The following NAV2 variants were observed in gnomAD, a reference collection of about 807,000 sequenced individuals.
NAV2 encodes the protein neuron navigator 2.
NAV2 carries 54 observed loss-of-function variants against 223.2 expected under a neutral mutation model. That is an observed-to-expected ratio of 0.24 (90% confidence interval 0.19 to 0.30). The LOEUF is 0.30. Among genes scored for constraint, NAV2 ranks in the 10% least tolerant of loss-of-function variants. The pLI is 1.00. For synonymous variants in NAV2, 1,279 were observed against 1,239.3 expected, an observed-to-expected ratio of 1.03 and a Z score of -0.67; for missense variants, 2,806 against 3,147.5, an observed-to-expected ratio of 0.89 and a Z score of 2.60.
intron 1 of NAV2, among the ~76,000 whole-genome samples, chr11:19,628,721 A>G (rs2047250035): frequency 6.6e-6 from 1 of 152,252 alleles, no homozygotes; most frequent in Admixed American, 6.5e-5. Context: ...AGGTGTCGAC[A>G]TTCATGAACA....
At chr11:20,063,756 T>C (rs1025649951) in intron 20 of NAV2, among the ~76,000 whole-genome samples, 6 of 152,350 alleles carry the variant, frequency 3.9e-5, no homozygotes, top group Admixed American at 1.3e-4. Flanking sequence ...TAATTGTGAA[T>C]TGGAAATTCT....
chr11:19,415,095 C>G (rs1850309518), intron 1 of NAV2, among the ~76,000 whole-genome samples: 1 of 151,978 alleles, frequency 6.6e-6, no homozygotes, highest in Non-Finnish European at 1.5e-5. Context: ...TAACTAAGAT[C>G]AGAGCAGAAA....
At chr11:19,454,719 G>A (rs569178556) in intron 1 of NAV2, among the ~76,000 whole-genome samples, 54 of 152,288 alleles carry the variant, frequency 3.5e-4, no homozygotes, top group Middle Eastern at 3.4e-3. Context: ...AATGGGACAC[G>A]TAACTGAAAG....
chr11:19,490,264 T>A (rs925115813), intron 1 of NAV2, among the ~76,000 whole-genome samples: 1 of 152,128 alleles, frequency 6.6e-6, no homozygotes, highest in Non-Finnish European at 1.5e-5. Flanking sequence ...TTAAAATAAG[T>A]CAACAATGAA....
chr11:19,751,057 T>C (rs1054856144), intron 1 of NAV2, among the ~76,000 whole-genome samples: 1 of 152,218 alleles, frequency 6.6e-6, no homozygotes, highest in Non-Finnish European at 1.5e-5. Context: ...GACATCATGT[T>C]GCTAGCTAAA....
At chr11:20,021,575 G>A (rs189705635) in intron 11 of NAV2, among the ~76,000 whole-genome samples, 1 of 152,270 alleles carries the variant, frequency 6.6e-6, no homozygotes, top group East Asian at 1.9e-4. Context: ...GGACAGCATA[G>A]AAGGTAAGGG....
intron 1 of NAV2, among the ~76,000 whole-genome samples, chr11:19,586,101 A>T (rs1168023441): frequency 6.6e-6 from 1 of 151,750 alleles, no homozygotes; most frequent in Non-Finnish European, 1.5e-5. Flanking sequence ...TTTTCTCTAA[A>T]CTTCTCTTCT....
At chr11:20,037,370 T>TAAAAA (rs34272740) in intron 12 of NAV2, among the ~76,000 whole-genome samples, 2 of 140,308 alleles carry the variant, frequency 1.4e-5, no homozygotes. Flanking sequence ...ACAATAGGGC[T>TAAAAA]AAAAAAAAAA....
rs543601081 is a variant in NAV2, at chr11:19,401,130, G to A, written c.75+50103G>A. Among the ~76,000 whole-genome samples, 297 of 152,262 alleles carry A rather than the reference G, an allele frequency of 2.0e-3. 1 individual carries two copies. The highest frequency in any genetic ancestry group is 3.4e-3 in the Middle Eastern group (1 of 294). On this transcript the variant is annotated intron_variant, in intron 1 of 37. Coordinates refer to the NAV2 transcript ENST00000360655. Reference sequence around the variant, plus strand: ...CAATGCTCTCAGTGCTTCTAGAGACGTTTGTGGGTTGTAGCCCATAAAATA... The same window carrying A: ...CAATGCTCTCAGTGCTTCTAGAGACATTTGTGGGTTGTAGCCCATAAAATA...
At chr11:19,975,395 A>G (rs1009561658) in intron 10 of NAV2, among the ~76,000 whole-genome samples, 1 of 152,236 alleles carries the variant, frequency 6.6e-6, no homozygotes, top group African/African-American at 2.4e-5. Context: ...GCATCGGAGT[A>G]TGTATTTTAT....
At chr11:20,049,341 C>T (rs1040342201) in intron 15 of NAV2, 146 bp downstream of exon 15, 61 of 660,146 alleles carry the variant, frequency 9.2e-5, no homozygotes, top group South Asian at 8.6e-4. Flanking sequence ...GGGGAAGCCA[C>T]TTCAGGATGG....
intron 1 of NAV2, among the ~76,000 whole-genome samples, chr11:19,653,634 T>C (rs1200154765): frequency 6.6e-6 from 1 of 152,212 alleles, no homozygotes; most frequent in East Asian, 1.9e-4. Flanking sequence ...TCAGAGATGG[T>C]AAGGCATGAC....
At chr11:19,709,308 C>T (rs888033031), upstream of NAV2, among the ~76,000 whole-genome samples, 3 of 151,946 alleles carry the variant, frequency 2.0e-5, no homozygotes, top group South Asian at 2.1e-4. Context: ...TTTGGGAGGC[C>T]AAGGCGGGCG....
At chr11:19,718,559 T>G (rs192687403) in intron 1 of NAV2, among the ~76,000 whole-genome samples, 95 of 152,358 alleles carry the variant, frequency 6.2e-4, no homozygotes, top group Non-Finnish European at 9.8e-4. Flanking sequence ...GTGTTTTGAT[T>G]AGAATCCTTG....
chr11:19,661,313 T>G (rs536143935), intron 1 of NAV2, among the ~76,000 whole-genome samples: 1 of 152,348 alleles, frequency 6.6e-6, no homozygotes, highest in African/African-American at 2.4e-5. Flanking sequence ...TATCATACTG[T>G]CTGGATATAC....
chr11:19,579,837 C>A (rs2045665380), intron 1 of NAV2, among the ~76,000 whole-genome samples: 1 of 152,158 alleles, frequency 6.6e-6, no homozygotes, highest in African/African-American at 2.4e-5. Context: ...CTCTTGGACA[C>A]CACCTTGGAG....
intron 1 of NAV2, among the ~76,000 whole-genome samples, chr11:19,584,590 A>G (rs1590607229): frequency 6.6e-6 from 1 of 152,030 alleles, no homozygotes; most frequent in Non-Finnish European, 1.5e-5. Flanking sequence ...CTTTGTTCTC[A>G]TTGGTTTCAA....
At chr11:19,910,874 T>G (rs182817859) in intron 6 of NAV2, among the ~76,000 whole-genome samples, 1 of 152,130 alleles carries the variant, frequency 6.6e-6, no homozygotes, top group East Asian at 1.9e-4. Context: ...AAAATAAAAT[T>G]AAAAAATAAC....
intron 1 of NAV2, among the ~76,000 whole-genome samples, chr11:19,625,256 C>T (rs1414164854): frequency 6.6e-6 from 1 of 152,162 alleles, no homozygotes; most frequent in Admixed American, 6.5e-5. Flanking sequence ...ATCCTCTGTT[C>T]TAATTTTTAC....
Sources: gnomAD v4.1 joint callset for allele counts (sites outside exome capture counted in the v4.1 genomes callset) on GRCh38, gnomAD v4.1.1 for gene constraint, MANE v1.5 for transcripts, NCBI Gene and HGNC (gene_info 2026-07-23, HGNC 2026-07-21) for gene names.